Variants in NEGR1 observed in about 807,000 individuals in gnomAD.
NEGR1 encodes the protein neuronal growth regulator 1.
Under a neutral mutation model 40.9 loss-of-function variants are expected in NEGR1, and 10 were observed. That is an observed-to-expected ratio of 0.24 (90% CI 0.15 to 0.42). The LOEUF (loss-of-function observed/expected upper bound fraction) is 0.42. Among genes scored for constraint, NEGR1 ranks in the 10% least tolerant of loss-of-function variants. The probability of loss-of-function intolerance (pLI) is 1.00; values close to 1 mark genes in which losing one functional copy is unlikely to be tolerated. For synonymous variants in NEGR1, 185 were observed against 166.8 expected (o/e 1.11, Z -0.84); for missense variants, 352 against 438.9 (o/e 0.80, Z 1.77).
chr1:71,650,799 A>G (rs563138669), intron 4 of NEGR1, among the ~76,000 whole-genome samples: 56 of 152,178 alleles, frequency 3.7e-4, no homozygotes, highest in Non-Finnish European at 5.9e-4. Flanking sequence ...TAAAAGTGTC[A>G]GCTATTATCT....
chr1:72,098,625 A>G (rs1310656492), intron 1 of NEGR1, among the ~76,000 whole-genome samples: 1 of 152,142 alleles, frequency 6.6e-6, no homozygotes, highest in Non-Finnish European at 1.5e-5. Context: ...ACAGACAGTA[A>G]AATCTCTAAA....
At chr1:71,411,880 A>T (rs1281355677) in intron 6 of NEGR1, among the ~76,000 whole-genome samples, 3 of 152,150 alleles carry the variant, frequency 2.0e-5, no homozygotes, top group Admixed American at 2.0e-4. Flanking sequence ...ACACGCTTGT[A>T]GTCCCAGCTA....
At chr1:71,541,824 G>A (rs1174194903) in intron 6 of NEGR1, among the ~76,000 whole-genome samples, 1 of 151,782 alleles carries the variant, frequency 6.6e-6, no homozygotes, top group Non-Finnish European at 1.5e-5. Flanking sequence ...CAAAGGCCAG[G>A]AGCAAAGCCA....
chr1:71,547,317 A>G (rs1315554801), intron 6 of NEGR1, among the ~76,000 whole-genome samples: 2 of 151,792 alleles, frequency 1.3e-5, no homozygotes, highest in Non-Finnish European at 2.9e-5. Flanking sequence ...AGAGACAGAG[A>G]CAATAGACTG....
At chr1:71,613,528 TCC>T (rs1650339831) in intron 4 of NEGR1, among the ~76,000 whole-genome samples, 1 of 151,854 alleles carries the variant, frequency 6.6e-6, no homozygotes, top group South Asian at 2.1e-4. Context: ...GCACCTGTAA[TCC>T]CAGCTGAAGC....
chr1:71,540,409 T>G (rs1647652539), intron 6 of NEGR1, among the ~76,000 whole-genome samples: 1 of 151,764 alleles, frequency 6.6e-6, no homozygotes, highest in Admixed American at 6.6e-5. Context: ...GTTTATTTCC[T>G]TATACCTAGA....
rs59019409 is a variant in NEGR1, at chr1:71,690,619, C to CAGAGAGAGAGAGAGAGAGAGAGAGAG, written c.667+7363_667+7388dup. Among the ~76,000 whole-genome samples the CAGAGAGAGAGAGAGAGAGAGAGAGAG allele has an allele frequency of 1.3e-4, 9 of 67,648 alleles. 1 individual carries two copies. Among genetic ancestry groups the CAGAGAGAGAGAGAGAGAGAGAGAGAG allele is most frequent in the East Asian group, 5.1e-4 (1 of 1,964 alleles). 44.4% of individuals were successfully genotyped at this position (67,648 alleles called of 152,430 possible). A position where few individuals can be genotyped will look rare whatever the true frequency, so the allele number is the denominator to read the frequency against. ...ACACACATATATATATAGAGGGAGA[C>CAGAGAGAGAGAGAGAGAGAGAGAGAG]AGAGAGAGAGAGAGAGAGAGAGAGA... is the stretch of plus-strand genomic sequence containing the variant. On this transcript the variant is annotated intron_variant, in intron 4 of 6. Coordinates refer to ENST00000357731, the MANE Select transcript of NEGR1 (RefSeq NM_173808.3).
intron 5 of NEGR1, among the ~76,000 whole-genome samples, chr1:71,604,340 G>A (rs989482891): frequency 6.6e-6 from 1 of 152,010 alleles, no homozygotes. Context: ...TAAATTGCAT[G>A]AAAACAGTAA....
chr1:71,707,875 T>A (rs565734798), intron 3 of NEGR1, among the ~76,000 whole-genome samples: 57 of 152,256 alleles, frequency 3.7e-4, no homozygotes, highest in African/African-American at 1.3e-3. Context: ...ATTCAGAGAC[T>A]TCTCTTGCAT....
chr1:71,917,590 A>G (rs1661620439), intron 2 of NEGR1, among the ~76,000 whole-genome samples: 1 of 151,590 alleles, frequency 6.6e-6, no homozygotes, highest in East Asian at 2.0e-4. Flanking sequence ...GCAAATCGAG[A>G]CCACGGTGAA....
intron 1 of NEGR1, among the ~76,000 whole-genome samples, chr1:72,222,310 C>G (rs551723070): frequency 6.6e-6 from 1 of 152,286 alleles, no homozygotes; most frequent in African/African-American, 2.4e-5. Context: ...CATGAGGACT[C>G]TAGCTGCAAG....
chr1:71,491,380 GA>G (rs570873762), intron 6 of NEGR1, among the ~76,000 whole-genome samples: 1 of 152,022 alleles, frequency 6.6e-6, no homozygotes, highest in Admixed American at 6.6e-5. Flanking sequence ...CAATTGTACT[GA>G]ATGCAAGGAG....
chr1:71,831,219 G>C (rs915914925), intron 2 of NEGR1, among the ~76,000 whole-genome samples: 4 of 151,902 alleles, frequency 2.6e-5, no homozygotes, highest in African/African-American at 9.7e-5. Context: ...GAAATTTCAT[G>C]TTCATTCAAA....
chr1:71,652,702 C>T (rs1651757248), intron 4 of NEGR1, among the ~76,000 whole-genome samples: 1 of 151,930 alleles, frequency 6.6e-6, no homozygotes, highest in African/African-American at 2.4e-5. Context: ...TCAGCCTCTA[C>T]CAAAATTCTA....
intron 3 of NEGR1, among the ~76,000 whole-genome samples, chr1:71,752,271 G>A (rs904641189): frequency 2.6e-5 from 4 of 152,122 alleles, no homozygotes; most frequent in Non-Finnish European, 5.9e-5. Flanking sequence ...TAGGTTCTCT[G>A]TTACAACTAC....
intron 3 of NEGR1, among the ~76,000 whole-genome samples, chr1:71,740,493 C>T (rs1655180908): frequency 6.6e-6 from 1 of 152,030 alleles, no homozygotes; most frequent in Non-Finnish European, 1.5e-5. Flanking sequence ...TATCCACATC[C>T]TAGGAATGAG....
chr1:71,426,513 A>G (rs529016482), intron 6 of NEGR1, among the ~76,000 whole-genome samples: 1 of 151,488 alleles, frequency 6.6e-6, no homozygotes, highest in Non-Finnish European at 1.5e-5. Flanking sequence ...AGCAAGATCA[A>G]GCGTACTGTA....
intron 1 of NEGR1, among the ~76,000 whole-genome samples, chr1:72,022,260 CATAT>C (rs59160727): frequency 0.057 from 6,357 of 110,832 alleles, 194 homozygotes; most frequent in Non-Finnish European, 0.08. Context: ...AAACAATTTT[CATAT>C]ATATATATAT....
At chr1:72,145,453 T>C (rs1369213387) in intron 1 of NEGR1, among the ~76,000 whole-genome samples, 2 of 152,174 alleles carry the variant, frequency 1.3e-5, no homozygotes, top group Non-Finnish European at 2.9e-5. Context: ...GTTTGCAAGA[T>C]GGTGTGAAAC....
Sources: gnomAD v4.1 joint callset for allele counts (sites outside exome capture counted in the v4.1 genomes callset) on GRCh38, gnomAD v4.1.1 for gene constraint, MANE v1.5 for transcripts, NCBI Gene and HGNC (gene_info 2026-07-23, HGNC 2026-07-21) for gene names.